The following TESC variants were observed in gnomAD, a reference collection of about 807,000 sequenced individuals.
TESC encodes the protein tescalcin.
A neutral mutation model predicts 31.0 loss-of-function variants in TESC; 19 were observed. The ratio of observed to expected loss-of-function variants is 0.61; its 90% CI spans 0.43 to 0.90. The LOEUF (loss-of-function observed/expected upper bound fraction) is 0.90, where lower values mean the gene tolerates loss of function less well. Among genes scored for constraint, TESC ranks in the 40% least tolerant of loss-of-function variants. TESC has a pLI of 0.00. For synonymous variants in TESC, 109 were observed against 114.8 expected (o/e 0.95, Z 0.32); for missense variants, 248 against 303.8 (o/e 0.82, Z 1.36).
At chr12:117,075,937 A>ATG (rs1555232403) in intron 1 of TESC, among the ~76,000 whole-genome samples, 1,508 of 99,340 alleles carry the variant, frequency 0.015, 174 homozygotes, top group African/African-American at 0.076. Flanking sequence ...ATATATATAT[A>ATG]TATGTATATA....
chr12:117,056,547 A>C (rs1036049994), intron 3 of TESC, among the ~76,000 whole-genome samples: 1 of 152,144 alleles, frequency 6.6e-6, no homozygotes, highest in Non-Finnish European at 1.5e-5. Flanking sequence ...TATTGTGTTA[A>C]ACTACTAAGT....
chr12:117,043,449 G>A (rs144529606), intron 6 of TESC, among the ~76,000 whole-genome samples: 6 of 127,492 alleles, frequency 4.7e-5, no homozygotes, highest in African/African-American at 2.0e-4. Flanking sequence ...GTATTGTTTT[G>A]TTTTCATTTG....
At chr12:117,059,118 G>A (rs557660011) in intron 2 of TESC, among the ~76,000 whole-genome samples, 157 of 152,350 alleles carry the variant, frequency 1.0e-3, no homozygotes, top group South Asian at 4.3e-3. Context: ...AGTGATGACG[G>A]GACAGTCATT....
intron 2 of TESC, among the ~76,000 whole-genome samples, chr12:117,069,922 G>A (rs1409229421): frequency 3.3e-5 from 5 of 152,208 alleles, no homozygotes; most frequent in African/African-American, 9.6e-5. Context: ...CCTCCTGTGG[G>A]ATCCTCATAA....
intron 1 of TESC, among the ~76,000 whole-genome samples, chr12:117,081,250 G>T (rs1472471232): frequency 6.6e-6 from 1 of 152,060 alleles, no homozygotes; most frequent in Non-Finnish European, 1.5e-5. Context: ...CCAAGACTAA[G>T]TACAAAAAAG....
Position 117,099,248 on chromosome 12 carries a change from C to T in TESC, c.35G>A (p.Arg12Gln). ...GAAHSASEEV[R>Q]ELEGKTGFSS... ...ACAGCCGGTCTTGCCCTCGAGCTCCCGCACCTCCTCAGACGCGGAGTGGGC... is the reference window on the plus strand; with the variant it reads ...ACAGCCGGTCTTGCCCTCGAGCTCCTGCACCTCCTCAGACGCGGAGTGGGC... The change falls in exon 1 of 8, where the codon CGG becomes CAG. Residue 12 changes from arginine (R) to glutamine (Q), a missense_variant. Coordinates refer to ENST00000335209, the MANE Select transcript of TESC (RefSeq NM_017899.4). The T allele has an allele frequency of 2.0e-6, 3 of 1,474,842 alleles. No homozygotes were observed. The highest frequency in any genetic ancestry group is 2.6e-5 in the South Asian group (2 of 78,136). 91.4% of individuals were successfully genotyped at this position (1,474,842 alleles called of 1,614,324 possible). A position where few individuals can be genotyped will look rare whatever the true frequency, so the allele number is the denominator to read the frequency against.
chr12:117,057,191 C>T (rs1453678716), intron 2 of TESC, among the ~76,000 whole-genome samples: 4 of 151,938 alleles, frequency 2.6e-5, no homozygotes, highest in Non-Finnish European at 5.9e-5. Flanking sequence ...CCTTGACCTA[C>T]TGGGCTCAAG....
Position 117,053,735 on chromosome 12 carries a change from C to T in TESC, c.209+3071G>A, listed in dbSNP as rs567792227. ...ACGTGCACACATGCTCCCTCTCTCG[C>T]GTGCGCGCGCACGCGCACACACACA... On this transcript the variant is annotated intron_variant, in intron 3 of 7. Coordinates refer to ENST00000335209, the MANE Select transcript of TESC (RefSeq NM_017899.4). Among the ~76,000 whole-genome samples the T allele has an allele frequency of 6.6e-5, 10 of 152,208 alleles. No individual in the cohort carries two copies. In the East Asian group the frequency reaches 7.8e-4, roughly 12 times the overall value.
chr12:117,064,090 T>A (rs116903150), intron 2 of TESC, among the ~76,000 whole-genome samples: 4 of 152,058 alleles, frequency 2.6e-5, no homozygotes, highest in Non-Finnish European at 4.4e-5. Flanking sequence ...ACACCCAATT[T>A]ATTTTTGGTA....
intron 1 of TESC, among the ~76,000 whole-genome samples, chr12:117,079,405 T>C (rs1230261124): frequency 1.3e-5 from 2 of 151,536 alleles, no homozygotes; most frequent in African/African-American, 4.9e-5. Context: ...CTACTAAAAA[T>C]AAAAAAACTA....
At chr12:117,098,119 C>T (rs1431929651) in intron 1 of TESC, among the ~76,000 whole-genome samples, 1 of 152,168 alleles carries the variant, frequency 6.6e-6, no homozygotes. Context: ...TTTCAGCTGA[C>T]ACACAAACAG....
At chr12:117,074,715 G>A (rs1043506969) in intron 2 of TESC, among the ~76,000 whole-genome samples, 1 of 152,208 alleles carries the variant, frequency 6.6e-6, no homozygotes, top group African/African-American at 2.4e-5. Flanking sequence ...TCCATCCGAG[G>A]AAGTCAGGGT....
intron 3 of TESC, 63 bp from the exon 4 acceptor site, chr12:117,049,221 C>G: frequency 6.2e-7 from 1 of 1,605,430 alleles, no homozygotes; most frequent in Non-Finnish European, 8.5e-7. Context: ...CCTCTTGCTA[C>G]CATTAGCTCC....
chr12:117,095,291 T>C (rs904094843), intron 1 of TESC, among the ~76,000 whole-genome samples: 5 of 152,198 alleles, frequency 3.3e-5, no homozygotes, highest in Admixed American at 3.3e-4. Flanking sequence ...GCCAGGCTGG[T>C]CTTGAACTCC....
intron 2 of TESC, among the ~76,000 whole-genome samples, chr12:117,069,542 A>G (rs558180646): frequency 6.6e-6 from 1 of 152,202 alleles, no homozygotes; most frequent in East Asian, 1.9e-4. Context: ...CCGGCCAACA[A>G]TATGAATGTC....
chr12:117,070,533 C>A (rs78453145), intron 2 of TESC, among the ~76,000 whole-genome samples: 1,544 of 152,242 alleles, frequency 0.01, 22 homozygotes, highest in African/African-American at 0.035. Context: ...CCTCCCCCAC[C>A]CCCAGTAGCA....
At chr12:117,059,526 A>G (rs928328254) in intron 2 of TESC, among the ~76,000 whole-genome samples, 1 of 152,220 alleles carries the variant, frequency 6.6e-6, no homozygotes, top group African/African-American at 2.4e-5. Flanking sequence ...AAAAAAAAAT[A>G]AGATTATTTT....
intron 2 of TESC, among the ~76,000 whole-genome samples, chr12:117,057,939 C>T (rs1954749356): frequency 6.6e-6 from 1 of 152,014 alleles, no homozygotes; most frequent in East Asian, 1.9e-4. Flanking sequence ...GCTAAGTGAG[C>T]CCGGGCGCCG....
At chr12:117,039,711 A>G (rs138078857) in intron 7 of TESC, among the ~76,000 whole-genome samples, 1 of 152,226 alleles carries the variant, frequency 6.6e-6, no homozygotes, top group African/African-American at 2.4e-5. Flanking sequence ...GGATCTCCAC[A>G]GTGTGGTCTT....
Sources: gnomAD v4.1 joint callset for allele counts (sites outside exome capture counted in the v4.1 genomes callset) on GRCh38, gnomAD v4.1.1 for gene constraint, MANE v1.5 for transcripts, NCBI Gene and HGNC (gene_info 2026-07-23, HGNC 2026-07-21) for gene names.